Variants in PRKG1 observed in about 807,000 individuals in gnomAD.
PRKG1 encodes protein kinase cGMP-dependent 1.
In PRKG1, 35 loss-of-function variants were observed where a neutral mutation model predicts 88.1. That is an observed-to-expected ratio of 0.40 (90% CI 0.30 to 0.53). PRKG1 has a LOEUF of 0.53. PRKG1 is among the 20% of genes least tolerant of loss of function. PRKG1 has a pLI of 0.59. For synonymous variants in PRKG1, 303 were observed against 292.5 expected (o/e 1.04, Z -0.37); for missense variants, 540 against 839.8 (o/e 0.64, Z 4.41).
intron 3 of PRKG1, among the ~76,000 whole-genome samples, chr10:51,638,699 G>C (rs1839719710): frequency 6.6e-6 from 1 of 152,272 alleles, no homozygotes; most frequent in Admixed American, 6.5e-5. Context: ...AGGAGAGCCT[G>C]TCTCTTCAGT....
chr10:51,790,022 C>T (rs1838827875), intron 3 of PRKG1, among the ~76,000 whole-genome samples: 2 of 152,020 alleles, frequency 1.3e-5, no homozygotes, highest in South Asian at 2.1e-4. Context: ...GGAGTTTCAC[C>T]GTGTTGGCCA....
chr10:52,029,293 G>A (rs1845420878), intron 5 of PRKG1, among the ~76,000 whole-genome samples: 1 of 151,978 alleles, frequency 6.6e-6, no homozygotes, highest in East Asian at 1.9e-4. Context: ...TTCCATTATA[G>A]TTGTTTCATC....
intron 2 of PRKG1, among the ~76,000 whole-genome samples, chr10:51,381,583 T>C (rs1837105591): frequency 6.6e-6 from 1 of 152,194 alleles, no homozygotes; most frequent in African/African-American, 2.4e-5. Flanking sequence ...CTCAAAACTT[T>C]GGCCTTGAGC....
At chr10:51,867,197 T>C (rs189812636) in intron 4 of PRKG1, among the ~76,000 whole-genome samples, 1 of 152,280 alleles carries the variant, frequency 6.6e-6, no homozygotes, top group African/African-American at 2.4e-5. Flanking sequence ...CTTGAGAGTT[T>C]CAAGAATTTC....
At chr10:51,791,050 C>G (rs1838858376) in intron 3 of PRKG1, among the ~76,000 whole-genome samples, 1 of 152,134 alleles carries the variant, frequency 6.6e-6, no homozygotes, top group South Asian at 2.1e-4. Context: ...AATTACTAGT[C>G]TTAATTCTGT....
chr10:52,111,256 C>T (rs1847557167), intron 7 of PRKG1, among the ~76,000 whole-genome samples: 1 of 152,074 alleles, frequency 6.6e-6, no homozygotes, highest in Non-Finnish European at 1.5e-5. Context: ...TCACATACAT[C>T]TTCTTTAAAT....
intron 4 of PRKG1, among the ~76,000 whole-genome samples, chr10:51,830,513 T>C (rs1028045841): frequency 6.6e-6 from 1 of 151,824 alleles, no homozygotes; most frequent in Non-Finnish European, 1.5e-5. Context: ...TTGTGATCTC[T>C]ATAGTATAAT....
At chr10:51,847,972 G>A (rs1305994517) in intron 4 of PRKG1, among the ~76,000 whole-genome samples, 1 of 147,188 alleles carries the variant, frequency 6.8e-6, no homozygotes, top group Admixed American at 6.9e-5. Context: ...GACGTTTCAT[G>A]GTTTTTAAAA....
intron 2 of PRKG1, among the ~76,000 whole-genome samples, chr10:51,306,056 A>G (rs144254841): frequency 0.01 from 1,556 of 152,310 alleles, 14 homozygotes; most frequent in Non-Finnish European, 0.014. Flanking sequence ...TGGAAAGTAG[A>G]CATTATATGA....
chr10:51,880,452 C>G (rs924564797), intron 4 of PRKG1, among the ~76,000 whole-genome samples: 13 of 152,232 alleles, frequency 8.5e-5, no homozygotes, highest in Admixed American at 7.8e-4. Context: ...GAATAATGGT[C>G]TGCTCCACTG....
chr10:51,632,262 T>C (rs1268832466), intron 3 of PRKG1, among the ~76,000 whole-genome samples: 1 of 152,164 alleles, frequency 6.6e-6, no homozygotes, highest in Non-Finnish European at 1.5e-5. Context: ...GAGTTTGTTA[T>C]AAACAGTGAC....
intron 7 of PRKG1, among the ~76,000 whole-genome samples, chr10:52,113,352 C>T (rs7082730): frequency 0.013 from 2,027 of 151,538 alleles, 37 homozygotes; most frequent in African/African-American, 0.047. Flanking sequence ...ATATTTTAGA[C>T]ACAGTAAATG....
At chr10:51,740,847 G>A (rs912405312) in intron 3 of PRKG1, among the ~76,000 whole-genome samples, 3 of 151,482 alleles carry the variant, frequency 2.0e-5, no homozygotes, top group African/African-American at 7.3e-5. Context: ...GTGGAATTTC[G>A]CTCTGAGGCT....
At chr10:51,891,608 T>C (rs1288079180) in intron 4 of PRKG1, among the ~76,000 whole-genome samples, 2 of 152,180 alleles carry the variant, frequency 1.3e-5, no homozygotes, top group African/African-American at 4.8e-5. Flanking sequence ...TTGGACACCG[T>C]ACCTGACCTT....
chr10:51,996,768 C>T (rs1000420710), intron 5 of PRKG1, among the ~76,000 whole-genome samples: 4 of 152,072 alleles, frequency 2.6e-5, no homozygotes, highest in Non-Finnish European at 4.4e-5. Context: ...TATAATATAA[C>T]AATCTTAGTA....
intron 3 of PRKG1, among the ~76,000 whole-genome samples, chr10:51,725,141 C>T (rs147046954): frequency 4.6e-4 from 70 of 152,270 alleles, no homozygotes; most frequent in African/African-American, 1.6e-3. Flanking sequence ...GAATTAGGTA[C>T]AATCAAGGCT....
intron 1 of PRKG1, among the ~76,000 whole-genome samples, chr10:51,143,703 C>T (rs1845875857): frequency 1.3e-5 from 2 of 152,074 alleles, no homozygotes; most frequent in Non-Finnish European, 2.9e-5. Flanking sequence ...TTTTGATTTG[C>T]ATTTTCCTGA....
chr10:52,121,682 G>A (rs898794248), intron 7 of PRKG1, among the ~76,000 whole-genome samples: 1 of 152,136 alleles, frequency 6.6e-6, no homozygotes, highest in Non-Finnish European at 1.5e-5. Context: ...CTCTACTCCC[G>A]TTTCCAATAC....
chr10:51,697,910 C>A lies in PRKG1; in HGVS notation c.593-106675C>A, dbSNP rs201330739. On this transcript the variant is annotated intron_variant, in intron 3 of 17. Coordinates refer to ENST00000373980, the MANE Select transcript of PRKG1 (RefSeq NM_006258.4). ...ACCTTGCTTGCTTGCCCCCTGTATA[C>A]CTCCTCCTTGTATACCTCCTCCTTG... 8.1e-6 allele frequency: 13 copies of A among 1,601,060 alleles called. No individual in the cohort carries two copies. In the East Asian group the frequency reaches 2.8e-4, roughly 35 times the overall value.
Sources: allele counts gnomAD v4.1 joint callset (sites outside exome capture counted in the v4.1 genomes callset), GRCh38; gene constraint gnomAD v4.1.1; transcripts MANE v1.5; gene names NCBI Gene and HGNC (gene_info 2026-07-23, HGNC 2026-07-21).